Variants in PCDH9 observed in about 807,000 individuals in gnomAD.
PCDH9 encodes protocadherin 9.
PCDH9 carries 24 observed loss-of-function variants against 70.6 expected under a neutral mutation model. That is an observed-to-expected ratio of 0.34 (90% CI 0.25 to 0.48). The LOEUF is 0.48. PCDH9 is among the 20% of genes least tolerant of loss of function. The probability of loss-of-function intolerance (pLI) is 0.99; values close to 1 mark genes in which losing one functional copy is unlikely to be tolerated. For missense variants in PCDH9, 1,281 were observed against 1,503.6 expected (o/e 0.85, Z 2.45); for synonymous variants, 562 against 558.5 (o/e 1.01, Z -0.09).
At chr13:66,832,769 C>T (rs1228708095) in intron 3 of PCDH9, among the ~76,000 whole-genome samples, 2 of 152,072 alleles carry the variant, frequency 1.3e-5, no homozygotes, top group East Asian at 1.9e-4. Flanking sequence ...AGATGTTTAA[C>T]CATTAGCTTA....
chr13:66,787,171 C>A (rs562527045), intron 3 of PCDH9, among the ~76,000 whole-genome samples: 1 of 152,294 alleles, frequency 6.6e-6, no homozygotes, highest in Admixed American at 6.5e-5. Flanking sequence ...TGCTGTACCA[C>A]TTGGTGTGAC....
intron 3 of PCDH9, among the ~76,000 whole-genome samples, chr13:66,852,472 AAG>A (rs2081329567): frequency 6.6e-6 from 1 of 152,152 alleles, no homozygotes; most frequent in South Asian, 2.1e-4. Context: ...AAAAGAGAAA[AAG>A]AGAAGGTGTG....
chr13:67,051,378 C>T (rs1029292310), intron 2 of PCDH9, among the ~76,000 whole-genome samples: 2 of 114,498 alleles, frequency 1.7e-5, no homozygotes, highest in Non-Finnish European at 3.6e-5. Flanking sequence ...GAAAACAATA[C>T]AAGATTTTTT....
chr13:66,667,684 T>G (rs17496955), intron 3 of PCDH9, among the ~76,000 whole-genome samples: 1 of 151,930 alleles, frequency 6.6e-6, no homozygotes, highest in African/African-American at 2.4e-5. Context: ...CTTTTTGCCA[T>G]AGAGGACTGC....
chr13:66,681,036 G>A (rs1039956263), intron 3 of PCDH9, among the ~76,000 whole-genome samples: 1 of 151,958 alleles, frequency 6.6e-6, no homozygotes, highest in Admixed American at 6.6e-5. Context: ...TCTATGTCTA[G>A]TTATTCCATC....
At chr13:66,448,092 G>T (rs1249864463) in intron 4 of PCDH9, among the ~76,000 whole-genome samples, 1 of 151,656 alleles carries the variant, frequency 6.6e-6, no homozygotes, top group Non-Finnish European at 1.5e-5. Flanking sequence ...ATCCAATAAA[G>T]AAAAAAAATG....
chr13:66,769,427 T>C (rs1226707755), intron 3 of PCDH9, among the ~76,000 whole-genome samples: 2 of 151,936 alleles, frequency 1.3e-5, no homozygotes, highest in East Asian at 3.9e-4. Flanking sequence ...TATAGAAAAA[T>C]TAATATTTGG....
At chr13:66,662,385 A>G (rs1038534069) in intron 3 of PCDH9, among the ~76,000 whole-genome samples, 3 of 152,018 alleles carry the variant, frequency 2.0e-5, no homozygotes, top group African/African-American at 7.2e-5. Flanking sequence ...AGGCAGGAGA[A>G]TTGTTTGAAC....
intron 2 of PCDH9, among the ~76,000 whole-genome samples, chr13:67,131,564 G>A (rs1209119468): frequency 1.3e-5 from 2 of 151,712 alleles, no homozygotes; most frequent in East Asian, 3.9e-4. Flanking sequence ...AATTAAACCA[G>A]GTTTAAAAAT....
chr13:66,717,503 A>ATG (rs2078886647), intron 3 of PCDH9, among the ~76,000 whole-genome samples: 2 of 125,824 alleles, frequency 1.6e-5, no homozygotes, highest in African/African-American at 5.7e-5. Flanking sequence ...ATATATATAT[A>ATG]TATATGTATA....
At chr13:66,395,301 GAAAT>G (rs1957083706) in intron 4 of PCDH9, among the ~76,000 whole-genome samples, 1 of 152,042 alleles carries the variant, frequency 6.6e-6, no homozygotes, top group African/African-American at 2.4e-5. Context: ...AACAAAGTTG[GAAAT>G]AAATAAACTG....
At chr13:66,465,957 T>C (rs1958506710) in intron 4 of PCDH9, among the ~76,000 whole-genome samples, 2 of 151,990 alleles carry the variant, frequency 1.3e-5, no homozygotes, top group African/African-American at 4.8e-5. Flanking sequence ...TTAAGTCCAA[T>C]GTTATTGTTT....
Position 66,853,560 on chromosome 13 carries a change from CATT to C in PCDH9, c.3138+49941_3138+49943del, listed in dbSNP as rs1285612991. On this transcript the variant is annotated intron_variant, in intron 3 of 4. Coordinates refer to ENST00000377865, the MANE Select transcript of PCDH9 (RefSeq NM_203487.3). ...TAGGAACTGTGTTTTCTCAAGGAAA[CATT>C]GTTGTAGAAGGTGGTTCCAAAAGTG... Among the ~76,000 whole-genome samples, 4 of 152,198 alleles carry C rather than the reference CATT, an allele frequency of 2.6e-5. No homozygotes were observed. In the South Asian group the frequency reaches 8.3e-4, roughly 32 times the overall value.
chr13:66,341,011 A>C (rs959992829), intron 4 of PCDH9, among the ~76,000 whole-genome samples: 1 of 152,224 alleles, frequency 6.6e-6, no homozygotes, highest in African/African-American at 2.4e-5. Context: ...CTATATTCCT[A>C]TAGTAAAATT....
At chr13:67,058,281 A>G (rs1737131373) in intron 2 of PCDH9, among the ~76,000 whole-genome samples, 1 of 152,114 alleles carries the variant, frequency 6.6e-6, no homozygotes, top group Non-Finnish European at 1.5e-5. Flanking sequence ...ATCCAAGAAA[A>G]AGTTCTAGGC....
chr13:66,735,147 T>G (rs2079129173), intron 3 of PCDH9, among the ~76,000 whole-genome samples: 1 of 152,196 alleles, frequency 6.6e-6, no homozygotes, highest in Non-Finnish European at 1.5e-5. Flanking sequence ...GCTATTGACT[T>G]CTCAAAATTT....
chr13:66,684,449 G>T (rs2078371792), intron 3 of PCDH9, among the ~76,000 whole-genome samples: 1 of 152,184 alleles, frequency 6.6e-6, no homozygotes, highest in Admixed American at 6.5e-5. Flanking sequence ...GTTGTAGGAA[G>T]AACCCAGTGG....
intron 2 of PCDH9, among the ~76,000 whole-genome samples, chr13:67,185,625 T>C (rs1426744713): frequency 6.6e-6 from 1 of 152,222 alleles, no homozygotes; most frequent in African/African-American, 2.4e-5. Context: ...TTCAATATAT[T>C]AGTTTTTATC....
intron 4 of PCDH9, among the ~76,000 whole-genome samples, chr13:66,328,342 G>A (rs1955881302): frequency 6.6e-6 from 1 of 152,022 alleles, no homozygotes; most frequent in South Asian, 2.1e-4. Context: ...TTAAACTAAC[G>A]ATTACCTTGA....
Sources: gnomAD v4.1 joint callset for allele counts (sites outside exome capture counted in the v4.1 genomes callset) on GRCh38, gnomAD v4.1.1 for gene constraint, MANE v1.5 for transcripts, NCBI Gene and HGNC (gene_info 2026-07-23, HGNC 2026-07-21) for gene names.